SCNN1G: variants seen among roughly 807,000 people sequenced by gnomAD.
SCNN1G encodes sodium channel epithelial 1 subunit gamma, also known as epithelial sodium channel subunit gamma.
In SCNN1G, 27 loss-of-function variants were observed where a neutral mutation model predicts 64.6. The ratio of observed to expected loss-of-function variants is 0.42; its 90% CI spans 0.31 to 0.58. The LOEUF (loss-of-function observed/expected upper bound fraction) is 0.58. Ranked by LOEUF, SCNN1G falls within the 20% of genes least tolerant of loss-of-function variation. The pLI, the probability that SCNN1G is intolerant of heterozygous loss-of-function variation, is 0.18. For synonymous variants in SCNN1G, 330 were observed against 314.2 expected (o/e 1.05, Z -0.53); for missense variants, 743 against 823.4 (o/e 0.90, Z 1.19).
intron 1 of SCNN1G, among the ~76,000 whole-genome samples, chr16:23,183,226 G>T (rs1959550663): frequency 6.6e-6 from 1 of 152,250 alleles, no homozygotes; most frequent in African/African-American, 2.4e-5. Flanking sequence ...CTTGAAGTGG[G>T]CTGGTTGGAT....
At chr16:23,193,606 G>A (rs984415953) in intron 4 of SCNN1G, among the ~76,000 whole-genome samples, 23 of 152,154 alleles carry the variant, frequency 1.5e-4, no homozygotes, top group South Asian at 4.2e-4. Flanking sequence ...CCATAATTGC[G>A]CCACTGCACT....
At chr16:23,184,821 A>C (rs1246868842) in intron 1 of SCNN1G, among the ~76,000 whole-genome samples, 1 of 152,206 alleles carries the variant, frequency 6.6e-6, no homozygotes, top group Non-Finnish European at 1.5e-5. Context: ...AGTCACAGAC[A>C]TGGGTCCTCT....
chr16:23,183,150 G>T lies in SCNN1G; in HGVS notation c.-45+337G>T, dbSNP rs546935970. 1.2e-4 allele frequency among the ~76,000 whole-genome samples: 18 copies of T among 152,358 alleles called. No individual in the cohort carries two copies. In the South Asian group the frequency reaches 3.5e-3, roughly 30 times the overall value. ...CGGGGTGAGTCGCGTGGACCTGTCC[G>T]CTACTGTTCCTTCTACCCTCTGGAA... On this transcript the variant is annotated intron_variant, in intron 1 of 12. Transcript: ENST00000300061.
intron 2 of SCNN1G, among the ~76,000 whole-genome samples, chr16:23,186,985 G>C (rs1331161407): frequency 2.0e-5 from 3 of 152,102 alleles, no homozygotes; most frequent in South Asian, 4.2e-4. Flanking sequence ...GTTTTTAGTA[G>C]AGACAGGATT....
At chr16:23,205,627 G>T (rs988178497) in intron 6 of SCNN1G, among the ~76,000 whole-genome samples, 1 of 151,822 alleles carries the variant, frequency 6.6e-6, no homozygotes, top group Non-Finnish European at 1.5e-5. Context: ...TTACACCCGG[G>T]AGGTGGAGGT....
rs553190624 is a variant in SCNN1G at position 23,190,263 on chromosome 16, AAGAAAGAAAGAG to A, written c.618+604_618+615del. Among the ~76,000 whole-genome samples, 73 of 152,196 alleles carry A rather than the reference AAGAAAGAAAGAG, an allele frequency of 4.8e-4. 1 individual carries two copies. In the South Asian group the frequency reaches 5.4e-3, roughly 11 times the overall value. On this transcript the variant is annotated intron_variant, in intron 3 of 12. Transcript: ENST00000300061. The stretch of plus-strand genomic sequence containing the variant: ...TTAAAGTAAAATTATTTTTTAAAAA[AAGAAAGAAAGAG>A]AGAAAGAAAGAAAAGAAAGGAAAGA...
intron 6 of SCNN1G, among the ~76,000 whole-genome samples, chr16:23,204,326 TATATATATAGAGAG>T (rs1485912954): frequency 3.6e-4 from 20 of 56,204 alleles, no homozygotes; most frequent in African/African-American, 6.8e-4. Context: ...TATATATATA[TATATATATAGAGAG>T]AGAGAGAGAG....
Position 23,206,843 on chromosome 16 carries a change from A to G in SCNN1G, c.1078-2907A>G, listed in dbSNP as rs546027017. 2.6e-5 allele frequency among the ~76,000 whole-genome samples: 4 copies of G among 152,276 alleles called. No individual in the cohort carries two copies. The East Asian group carries it at 7.7e-4, about 29-fold the overall frequency. ...TGCATAAGTGTATGCATAGATACAC[A>G]TACAAACTCACACATATGCACACAT... On this transcript the variant is annotated intron_variant, in intron 6 of 12. Coordinates refer to ENST00000300061, the MANE Select transcript of SCNN1G (RefSeq NM_001039.4).
chr16:23,204,318 TATATATATATATATATAGAGAGAGAG>T lies in SCNN1G; in HGVS notation c.1078-5430_1078-5405del, dbSNP rs1389792521. On this transcript the variant is annotated intron_variant, in intron 6 of 12. Coordinates refer to ENST00000300061, the MANE Select transcript of SCNN1G (RefSeq NM_001039.4). ...ATATATATATATATATATATATATA[TATATATATATATATATAGAGAGAGAG>T]AGAGAGAGAGAGAGAGAGAGAGAGA... is the stretch of plus-strand genomic sequence containing the variant. 4.8e-5 allele frequency among the ~76,000 whole-genome samples: 4 copies of T among 82,690 alleles called. No homozygotes were observed. In the East Asian group the frequency reaches 1.2e-3, roughly 25 times the overall value. 54.2% of individuals were successfully genotyped at this position (82,690 alleles called of 152,430 possible). A position where few individuals can be genotyped will look rare whatever the true frequency, so the allele number is the denominator to read the frequency against.
chr16:23,188,399 C>A (rs994025940), intron 2 of SCNN1G, among the ~76,000 whole-genome samples: 3 of 151,952 alleles, frequency 2.0e-5, no homozygotes, highest in Admixed American at 6.6e-5. Flanking sequence ...ATAGTCCCAG[C>A]AACTTAGGAG....
rs1960154111 is a variant in SCNN1G at position 23,215,988 on chromosome 16, G to C, written c.*519G>C. Reference sequence around the variant, plus strand: ...TGTGAATAAACTGTTCTTCATCATTGACACTGGAGAAAGGTGTCCTCCATG... The same window carrying C: ...TGTGAATAAACTGTTCTTCATCATTCACACTGGAGAAAGGTGTCCTCCATG... On this transcript the variant is annotated 3_prime_UTR_variant, in exon 13 of 13. Transcript: ENST00000300061. 2 of 203,192 alleles carry C rather than the reference G, an allele frequency of 9.8e-6. No individual in the cohort carries two copies. The highest frequency in any genetic ancestry group is 1.8e-4 in the South Asian group (2 of 10,896). The allele number at this position is 203,192 out of a possible 1,614,324, so 12.6% of individuals were successfully genotyped here. A position where few individuals can be genotyped will look rare whatever the true frequency, so the allele number is the denominator to read the frequency against.
At chr16:23,206,159 A>G (rs887537024) in intron 6 of SCNN1G, among the ~76,000 whole-genome samples, 36 of 152,132 alleles carry the variant, frequency 2.4e-4, no homozygotes, top group African/African-American at 8.2e-4. Context: ...GTGGCAAGAC[A>G]GCAATCTTTC....
In SCNN1G at chr16:23,216,837, T is replaced by A. The variant is rs1048240235; in HGVS notation, c.*1368T>A. The A allele has an allele frequency of 1.3e-5, 2 of 152,140 alleles. No homozygotes were observed. The highest frequency in any genetic ancestry group is 4.8e-5 in the African/African-American group (2 of 41,424). The allele number at this position is 152,140 out of a possible 1,614,324, so 9.4% of individuals were successfully genotyped here. ...GTGACTCATGAAAATGATATGAGAT[T>A]CGAATTCCAGTGTCTATAAATAAAG... On this transcript the variant is annotated 3_prime_UTR_variant, in exon 13 of 13. Coordinates refer to ENST00000300061, the MANE Select transcript of SCNN1G (RefSeq NM_001039.4).
intron 6 of SCNN1G, among the ~76,000 whole-genome samples, chr16:23,197,698 G>A (rs940128356): frequency 2.0e-5 from 3 of 152,082 alleles, no homozygotes; most frequent in Non-Finnish European, 4.4e-5. Flanking sequence ...TAGCCAACTT[G>A]GTGAAACCTG....
rs144697586 is a variant in SCNN1G at position 23,186,434 on chromosome 16, C to A, written c.163C>A (p.Leu55Ile). The A allele has an allele frequency of 1.1e-5, 18 of 1,614,118 alleles. No homozygotes were observed. The African/African-American group carries it at 2.0e-4, about 18-fold the overall frequency. Residue 55 changes from leucine to isoleucine, a missense_variant, in exon 2 of 13, where the codon CTC becomes ATC. Transcript: ENST00000300061. Reference sequence around the variant, plus strand: ...GTCCCGCGGCCGTCTGCGCCGCCTCCTCTGGATCGGGTTCACACTGACTGC... The same window carrying A: ...GTCCCGCGGCCGTCTGCGCCGCCTCATCTGGATCGGGTTCACACTGACTGC... ...VVSRGRLRRL[L>I]WIGFTLTAVA...
At position 23,213,108 on chromosome 16, in the gene SCNN1G, T is replaced by C; in HGVS notation, c.1438T>C (p.Leu480=). The change falls in exon 11 of 13, where the codon TTG becomes CTG. Residue 480 remains leucine, a synonymous_variant. Transcript: ENST00000300061. ...QWPSVVSEKW[L]LPVLTWDQGR... is the part of the protein sequence containing the mutation. ...CTTTCTCTCTCCGTTGTAGAAGTGG[T>C]TGCTGCCTGTTCTCACTTGGGACCA... 1 of 1,613,912 alleles carries C rather than the reference T, an allele frequency of 6.2e-7. No individual in the cohort carries two copies. The highest frequency in any genetic ancestry group is 8.5e-7 in the Non-Finnish European group (1 of 1,179,852).
chr16:23,212,152 G>C lies in SCNN1G; in HGVS notation c.1294+1G>C. 6.3e-7 allele frequency: 1 copy of C among 1,599,968 alleles called. No individual in the cohort carries two copies. The highest frequency in any genetic ancestry group is 8.6e-7 in the Non-Finnish European group (1 of 1,167,296). On this transcript the variant is annotated splice_donor_variant, in intron 8 of 12. Coordinates refer to ENST00000300061, the MANE Select transcript of SCNN1G (RefSeq NM_001039.4). LOFTEE classifies it high-confidence loss of function. ...AACTACCAGCAGCACCCCAACTGGA[G>C]TGAGTGAGACCCAGCTCCAGCCTTG...
chr16:23,212,802 G>A (rs757481075), intron 9 of SCNN1G, 35 bp from the exon 10 acceptor site: 2 of 1,613,788 alleles, frequency 1.2e-6, no homozygotes, highest in Non-Finnish European at 8.5e-7. Flanking sequence ...GTTGGGTTGG[G>A]CTGCCTACAC....
chr16:23,212,058 A>G lies in SCNN1G; in HGVS notation c.1201A>G (p.Thr401Ala). The stretch of plus-strand genomic sequence containing the variant: ...GATCTGCCTTCATTCATGCTTCCAG[A>G]CAAAGATGGTGGAGAAATGTGGGTG... ...LQICLHSCFQ[T>A]KMVEKCGCAQ... The change falls in exon 8 of 13, where the codon ACA (threonine) becomes GCA (alanine). Residue 401 changes from threonine to alanine, a missense_variant. Thr to Ala is a moderately conservative substitution (Grantham distance 58). Transcript: ENST00000300061. 6.2e-7 allele frequency: 1 copy of G among 1,613,714 alleles called. No homozygotes were observed. The highest frequency in any genetic ancestry group is 8.5e-7 in the Non-Finnish European group (1 of 1,179,694).
Sources: gnomAD v4.1 joint callset for allele counts (sites outside exome capture counted in the v4.1 genomes callset) on GRCh38, gnomAD v4.1.1 for gene constraint, MANE v1.5 for transcripts, NCBI Gene and HGNC (gene_info 2026-07-23, HGNC 2026-07-21) for gene names.